The following TMPRSS4 variants were observed in gnomAD, a reference collection of about 807,000 sequenced individuals.
The protein encoded by TMPRSS4 is transmembrane protease serine 4.
Under a neutral mutation model 56.4 loss-of-function variants are expected in TMPRSS4, and 45 were observed. The observed-to-expected ratio is 0.80, with a 90% CI of 0.63 to 1.02. The LOEUF is 1.02. Ranked by LOEUF, TMPRSS4 falls within the 50% of genes least tolerant of loss-of-function variation. The pLI, the probability that TMPRSS4 is intolerant of heterozygous loss-of-function variation, is 0.00. For synonymous variants in TMPRSS4, 205 were observed against 211.0 expected (o/e 0.97, Z 0.25); for missense variants, 546 against 556.7 (o/e 0.98, Z 0.19).
intron 6 of TMPRSS4, 137 bp downstream of exon 6, chr11:118,108,012 G>T: frequency 1.5e-6 from 1 of 660,504 alleles, no homozygotes. Flanking sequence ...TAGCCAGATG[G>T]ATCATTCAAT....
At chr11:118,091,200 C>A (rs1250421043) in intron 1 of TMPRSS4, among the ~76,000 whole-genome samples, 1 of 152,184 alleles carries the variant, frequency 6.6e-6, no homozygotes, top group Non-Finnish European at 1.5e-5. Flanking sequence ...TTGTTTGTAT[C>A]TTCCAAACAC....
At position 118,108,803 on chromosome 11, in the gene TMPRSS4, C is replaced by T; in HGVS notation, c.543-53C>T. 7 of 1,604,934 alleles carry T rather than the reference C, an allele frequency of 4.4e-6. 1 individual carries two copies. The South Asian group carries it at 7.8e-5, about 18-fold the overall frequency. On this transcript the variant is annotated intron_variant, in intron 6 of 12. Transcript: ENST00000437212. ...CAGCTTCGGGAGGCCTGAGTCCCTG[C>T]CTCCCAGCTGAGGAAGAAGCTTAAA...
At chr11:118,095,221 A>G in intron 2 of TMPRSS4, 1 of 196,278 alleles carries the variant, frequency 5.1e-6, no homozygotes, top group Non-Finnish European at 1.0e-5. Context: ...CCCTGGTGTC[A>G]TGGAGTTCAC....
intron 1 of TMPRSS4, among the ~76,000 whole-genome samples, chr11:118,092,072 T>G (rs569623201): frequency 5.3e-5 from 8 of 152,000 alleles, no homozygotes; most frequent in African/African-American, 1.9e-4. Flanking sequence ...AATGTTAAAT[T>G]TAAAAAAGCA....
chr11:118,117,656 C>T (rs1337766205), intron 12 of TMPRSS4: 2 of 985,066 alleles, frequency 2.0e-6, no homozygotes, highest in Non-Finnish European at 2.4e-6. Context: ...AATGCAAATA[C>T]CTTAGGGAAT....
intron 1 of TMPRSS4, among the ~76,000 whole-genome samples, chr11:118,079,627 A>C (rs1944974256): frequency 6.6e-6 from 1 of 152,160 alleles, no homozygotes; most frequent in Non-Finnish European, 1.5e-5. Flanking sequence ...GGGTGTTAAC[A>C]CCTGAGGTCA....
In TMPRSS4 at chr11:118,094,869, C is replaced by T. The variant is rs757475601; in HGVS notation, c.43+14C>T. 2.2e-5 allele frequency: 35 copies of T among 1,611,390 alleles called. No homozygotes were observed. Among genetic ancestry groups the T allele is most frequent in the East Asian group, 1.6e-4 (7 of 44,826 alleles). On this transcript the variant is annotated intron_variant, in intron 2 of 12. Coordinates refer to ENST00000437212, the MANE Select transcript of TMPRSS4 (RefSeq NM_019894.4). Reference sequence around the variant, plus strand: ...TGAACAGCCTCGGTAAGTTCAGGTCCGGCTTTCATTCGTCCACCTTAGCCT... The same window carrying T: ...TGAACAGCCTCGGTAAGTTCAGGTCTGGCTTTCATTCGTCCACCTTAGCCT...
At position 118,110,344 on chromosome 11, in the gene TMPRSS4, C is replaced by CTTT. The variant is rs11320723; in HGVS notation, c.584-1385_584-1383dup. 0.011 allele frequency among the ~76,000 whole-genome samples: 1,595 copies of CTTT among 146,626 alleles called. 54 individuals carry two copies. In the East Asian group the frequency reaches 0.13, roughly 12 times the overall value. ...GGGGATAGAGAGCATTAGATTCTCT[C>CTTT]TTTTTTTTTTTTTTGAGACCAAGTC... On this transcript the variant is annotated intron_variant, in intron 7 of 12. Transcript: ENST00000437212.
chr11:118,117,162 A>C (rs1947605428), intron 11 of TMPRSS4, 143 bp from the exon 12 acceptor site: 1 of 820,144 alleles, frequency 1.2e-6, no homozygotes. Context: ...CTAGGGTGCT[A>C]ATGAGCAAAG....
rs1157346331 is a variant in TMPRSS4, at chr11:118,096,821, AAGAG to A, written c.43+1970_43+1973del. Among the ~76,000 whole-genome samples, 2 of 14,514 alleles carry A rather than the reference AAGAG, an allele frequency of 1.4e-4. 1 individual carries two copies. The highest frequency in any genetic ancestry group is 3.5e-4 in the Non-Finnish European group (2 of 5,722). The allele number at this position is 14,514 out of a possible 152,430, so 9.5% of individuals were successfully genotyped here. On this transcript the variant is annotated intron_variant, in intron 2 of 12. Transcript: ENST00000437212. The stretch of plus-strand genomic sequence containing the variant: ...AGAGAGAGGAGAGAAAAAAGAAAGA[AAGAG>A]AGAAAGAAAGAAGGAAAGAAGGAAA...
At chr11:118,083,065 C>T (rs150964399) in intron 1 of TMPRSS4, among the ~76,000 whole-genome samples, 167 of 152,288 alleles carry the variant, frequency 1.1e-3, no homozygotes, top group African/African-American at 3.8e-3. Flanking sequence ...TCTGCTGCGC[C>T]GCTGCGGGGC....
chr11:118,106,937 C>T (rs1947022161), intron 5 of TMPRSS4: 1 of 152,312 alleles, frequency 6.6e-6, no homozygotes, highest in East Asian at 1.9e-4. Context: ...CCTCCCAGGT[C>T]TGAGACTTGG....
chr11:118,103,310 C>G (rs936185009), intron 4 of TMPRSS4, 57 bp downstream of exon 4: 1 of 1,579,804 alleles, frequency 6.3e-7, no homozygotes, highest in African/African-American at 1.3e-5. Context: ...TCTGCTCAGG[C>G]CCCCACGGCC....
At position 118,099,081 on chromosome 11, in the gene TMPRSS4, T is replaced by A. The variant is rs1473736569; in HGVS notation, c.140T>A (p.Ile47Asn). Residue 47 changes from isoleucine (I) to asparagine (N), a missense_variant, in exon 3 of 13, where the codon ATC becomes AAC. Coordinates refer to ENST00000437212, the MANE Select transcript of TMPRSS4 (RefSeq NM_019894.4). ...IIALLSLASI[I>N]IVVVLIKVIL... ...GCACTACTGAGCCTGGCGAGTATCA[T>A]CATTGTGGTTGTCCTCAGTAAGTGA... 6.2e-7 allele frequency: 1 copy of A among 1,613,778 alleles called. No homozygotes were observed. Among genetic ancestry groups the A allele is most frequent in the East Asian group, 2.2e-5 (1 of 44,880 alleles).
chr11:118,078,916 G>T (rs1301777601), intron 1 of TMPRSS4, among the ~76,000 whole-genome samples: 1 of 152,194 alleles, frequency 6.6e-6, no homozygotes, highest in African/African-American at 2.4e-5. Context: ...CATGTGAGTA[G>T]GTTCTGGAAA....
chr11:118,105,094 C>T lies in TMPRSS4; in HGVS notation c.440+274C>T, dbSNP rs1006675645. ...TGTGTGCTGCCCTCCAACACACACACACACACTTCTAGCGTCTATGCAGTC... is the reference window on the plus strand; with the variant it reads ...TGTGTGCTGCCCTCCAACACACACATACACACTTCTAGCGTCTATGCAGTC... On this transcript the variant is annotated intron_variant, in intron 5 of 12. Coordinates refer to ENST00000437212, the MANE Select transcript of TMPRSS4 (RefSeq NM_019894.4). Among the ~76,000 whole-genome samples, 4 of 152,330 alleles carry T rather than the reference C, an allele frequency of 2.6e-5. No individual in the cohort carries two copies. In the South Asian group the frequency reaches 8.3e-4, roughly 32 times the overall value.
chr11:118,079,056 C>T (rs373683828), intron 1 of TMPRSS4, among the ~76,000 whole-genome samples: 4 of 151,758 alleles, frequency 2.6e-5, no homozygotes, highest in East Asian at 3.9e-4. Context: ...GCTGGAGGAG[C>T]GGGGGAGGGC....
At chr11:118,083,331 C>T (rs1054002511) in intron 1 of TMPRSS4, among the ~76,000 whole-genome samples, 1 of 152,238 alleles carries the variant, frequency 6.6e-6, no homozygotes, top group African/African-American at 2.4e-5. Flanking sequence ...CTTCTCTGAA[C>T]TGCGTGTTCC....
In TMPRSS4 at chr11:118,118,131, T is replaced by A; in HGVS notation, c.*218T>A. 1 of 1,422,494 alleles carries A rather than the reference T, an allele frequency of 7.0e-7. No individual in the cohort carries two copies. Among genetic ancestry groups the A allele is most frequent in the Non-Finnish European group, 9.1e-7 (1 of 1,092,968 alleles). 88.1% of individuals were successfully genotyped at this position (1,422,494 alleles called of 1,614,324 possible). A position where few individuals can be genotyped will look rare whatever the true frequency, so the allele number is the denominator to read the frequency against. Reference sequence around the variant, plus strand: ...GTCAGCAGCCCTAGCTCGGCCACACTTGGTGCTCCCAGCATCCCAGGGAGA... The same window carrying A: ...GTCAGCAGCCCTAGCTCGGCCACACATGGTGCTCCCAGCATCCCAGGGAGA... On this transcript the variant is annotated 3_prime_UTR_variant, in exon 13 of 13. Coordinates refer to ENST00000437212, the MANE Select transcript of TMPRSS4 (RefSeq NM_019894.4).
Sources: gnomAD v4.1 joint callset for allele counts (sites outside exome capture counted in the v4.1 genomes callset) on GRCh38, gnomAD v4.1.1 for gene constraint, MANE v1.5 for transcripts, NCBI Gene and HGNC (gene_info 2026-07-23, HGNC 2026-07-21) for gene names.